The following MIPEP variants were observed in gnomAD, a reference collection of about 807,000 sequenced individuals.
MIPEP encodes the protein mitochondrial intermediate peptidase.
MIPEP carries 79 observed loss-of-function variants against 90.3 expected under a neutral mutation model. That is an observed-to-expected ratio of 0.87 (90% CI 0.73 to 1.05). The LOEUF (loss-of-function observed/expected upper bound fraction) is 1.05, where lower values mean the gene tolerates loss of function less well. MIPEP is among the 50% of genes least tolerant of loss of function. MIPEP has a pLI of 0.00. For synonymous variants in MIPEP, 334 were observed against 315.8 expected, an observed-to-expected ratio of 1.06 and a Z score of -0.61; for missense variants, 940 against 905.6, an observed-to-expected ratio of 1.04 and a Z score of -0.49.
chr13:23,822,436 T>C lies in MIPEP; in HGVS notation c.1654-12512A>G, dbSNP rs151184366. 7.9e-5 allele frequency among the ~76,000 whole-genome samples: 12 copies of C among 152,338 alleles called. No homozygotes were observed. In the East Asian group the frequency reaches 2.3e-3, roughly 29 times the overall value. On this transcript the variant is annotated intron_variant, in intron 14 of 18. Coordinates refer to ENST00000382172, the MANE Select transcript of MIPEP (RefSeq NM_005932.4). Reference sequence around the variant, plus strand: ...CACATTGCCCCACCCCGCAAGGCTGTACTACGGTTGGGTAACCAAATGCTC... The same window carrying C: ...CACATTGCCCCACCCCGCAAGGCTGCACTACGGTTGGGTAACCAAATGCTC...
chr13:23,836,383 T>A, intron 13 of MIPEP, 34 bp from the exon 14 acceptor site: 2 of 1,301,094 alleles, frequency 1.5e-6, no homozygotes, highest in Non-Finnish European at 1.1e-6. Context: ...TTGGCATGAA[T>A]CAAATCAATA....
intron 14 of MIPEP, among the ~76,000 whole-genome samples, chr13:23,819,691 T>C (rs1953282073): frequency 6.6e-6 from 1 of 151,942 alleles, no homozygotes; most frequent in African/African-American, 2.4e-5. Flanking sequence ...ACAGCGTAAA[T>C]TCTCCACTTT....
chr13:23,888,986 G>A (rs1593215701), intron 1 of MIPEP, 146 bp downstream of exon 1: 1 of 744,854 alleles, frequency 1.3e-6, no homozygotes, highest in East Asian at 3.4e-5. Flanking sequence ...CTCATCGAGA[G>A]CGCACACAAG....
At chr13:23,738,604 C>T (rs7999127) in intron 18 of MIPEP, among the ~76,000 whole-genome samples, 34,317 of 151,246 alleles carry the variant, frequency 0.23, 4,384 homozygotes, top group African/African-American at 0.35. Flanking sequence ...TGCACCACCA[C>T]GCCCAGCTAG....
intron 18 of MIPEP, among the ~76,000 whole-genome samples, chr13:23,751,110 T>C (rs1952435960): frequency 6.6e-6 from 1 of 152,246 alleles, no homozygotes; most frequent in African/African-American, 2.4e-5. Context: ...AACTGAGAAC[T>C]GTTTTTAAAG....
chr13:23,831,389 G>GGGGGC (rs1566009699), intron 14 of MIPEP, among the ~76,000 whole-genome samples: 2 of 144,558 alleles, frequency 1.4e-5, no homozygotes, highest in East Asian at 2.1e-4. Flanking sequence ...ATGGCGGGGG[G>GGGGGC]GGGATGTGGA....
At chr13:23,812,396 G>A (rs1953183705) in intron 14 of MIPEP, among the ~76,000 whole-genome samples, 1 of 152,074 alleles carries the variant, frequency 6.6e-6, no homozygotes, top group Non-Finnish European at 1.5e-5. Context: ...GGCAGAAGGT[G>A]GAAGCCAGCA....
At chr13:23,772,434 A>AACTAAC (rs531922574) in intron 16 of MIPEP, among the ~76,000 whole-genome samples, 90 of 152,336 alleles carry the variant, frequency 5.9e-4, no homozygotes, top group Admixed American at 1.4e-3. Context: ...AAAATATTCA[A>AACTAAC]TACCATTAGT....
rs1869107593 is a variant in MIPEP at position 23,837,539 on chromosome 13, C to T, written c.1543+13G>A. 1 of 1,594,784 alleles carries T rather than the reference C, an allele frequency of 6.3e-7. No homozygotes were observed. Among genetic ancestry groups the T allele is most frequent in the Non-Finnish European group, 8.6e-7 (1 of 1,162,960 alleles). On this transcript the variant is annotated intron_variant, in intron 13 of 18. Transcript: ENST00000382172. ...AAGGACTGTAGTAAATAAAAGCCCT[C>T]CTCATGGCTCACCAGTGACGTGTTG...
chr13:23,769,913 G>A (rs1202559172), intron 16 of MIPEP, among the ~76,000 whole-genome samples: 2 of 152,108 alleles, frequency 1.3e-5, no homozygotes, highest in African/African-American at 2.4e-5. Context: ...AAGAGGAAGA[G>A]AGACCTGAGC....
intron 16 of MIPEP, among the ~76,000 whole-genome samples, chr13:23,798,324 T>C (rs76829958): frequency 6.6e-6 from 1 of 152,300 alleles, no homozygotes; most frequent in East Asian, 1.9e-4. Context: ...ATATGAAATA[T>C]ATATCACTTC....
chr13:23,791,501 T>C (rs1033361811), intron 16 of MIPEP, among the ~76,000 whole-genome samples: 2 of 152,172 alleles, frequency 1.3e-5, no homozygotes, highest in African/African-American at 4.8e-5. Context: ...CAACACCATC[T>C]ACCCACTGCT....
chr13:23,800,832 CATA>C (rs1254389035), intron 16 of MIPEP, among the ~76,000 whole-genome samples: 1 of 152,142 alleles, frequency 6.6e-6, no homozygotes, highest in Admixed American at 6.5e-5. Flanking sequence ...GATAGAGACT[CATA>C]ATGTTTGTTA....
At chr13:23,769,810 T>G (rs1952630499) in intron 16 of MIPEP, among the ~76,000 whole-genome samples, 1 of 152,148 alleles carries the variant, frequency 6.6e-6, no homozygotes, top group Admixed American at 6.5e-5. Flanking sequence ...AGCAGCAGTA[T>G]TGAGAGGTGG....
chr13:23,883,543 C>T (rs1403563842), intron 2 of MIPEP, among the ~76,000 whole-genome samples: 3 of 152,182 alleles, frequency 2.0e-5, no homozygotes, highest in Non-Finnish European at 4.4e-5. Context: ...ACACCCCATA[C>T]ATCAAATCAT....
At chr13:23,745,928 T>TCAAAA (rs750043203) in intron 18 of MIPEP, among the ~76,000 whole-genome samples, 44 of 150,696 alleles carry the variant, frequency 2.9e-4, no homozygotes, top group Non-Finnish European at 4.3e-4. Flanking sequence ...AGACTATGTC[T>TCAAAA]CAAAACAAAA....
chr13:23,815,353 T>TA, intron 14 of MIPEP, among the ~76,000 whole-genome samples: 1 of 151,796 alleles, frequency 6.6e-6, no homozygotes, highest in Admixed American at 6.6e-5. Flanking sequence ...TCTCGCTGTG[T>TA]AGCCCAGGCT....
At chr13:23,835,956 G>A (rs7318106) in intron 14 of MIPEP, among the ~76,000 whole-genome samples, 30,128 of 152,074 alleles carry the variant, frequency 0.2, 4,320 homozygotes, top group African/African-American at 0.4. Context: ...TGGAAAATGG[G>A]GATAAAGTGT....
At chr13:23,746,633 C>A (rs1228562178) in intron 18 of MIPEP, among the ~76,000 whole-genome samples, 498 of 99,018 alleles carry the variant, frequency 5.0e-3, no homozygotes, top group Middle Eastern at 0.011. Context: ...GACTCCCTCT[C>A]AAAAAAAAAA....
Sources: gnomAD v4.1 joint callset for allele counts (sites outside exome capture counted in the v4.1 genomes callset) on GRCh38, gnomAD v4.1.1 for gene constraint, MANE v1.5 for transcripts, NCBI Gene and HGNC (gene_info 2026-07-23, HGNC 2026-07-21) for gene names.